SPATA21: variants seen among roughly 807,000 people sequenced by gnomAD.
The protein encoded by SPATA21 is spermatogenesis associated 21.
In SPATA21, 47 loss-of-function variants were observed where a neutral mutation model predicts 54.8. The observed-to-expected ratio is 0.86, with a 90% CI of 0.68 to 1.09. SPATA21 has a LOEUF of 1.09. SPATA21 is among the 50% of genes least tolerant of loss of function. The pLI is 0.00. For missense variants in SPATA21, 599 were observed against 596.4 expected, an observed-to-expected ratio of 1.00 and a Z score of -0.05; for synonymous variants, 245 against 235.3, an observed-to-expected ratio of 1.04 and a Z score of -0.38.
At chr1:16,416,033 G>A (rs1008569193) in intron 5 of SPATA21, among the ~76,000 whole-genome samples, 1 of 152,112 alleles carries the variant, frequency 6.6e-6, no homozygotes, top group Non-Finnish European at 1.5e-5. Context: ...GGCACCAGGT[G>A]TCCTGAACAG....
At chr1:16,408,155 G>C (rs886681116) in intron 7 of SPATA21, among the ~76,000 whole-genome samples, 1 of 152,190 alleles carries the variant, frequency 6.6e-6, no homozygotes, top group Non-Finnish European at 1.5e-5. Context: ...GACAGAGGAA[G>C]GGGCCGCTGT....
Position 16,428,130 on chromosome 1 carries a change from T to C in SPATA21, c.34+3208A>G. ...TCTGGCCTCAAGGACAGGGAGATCC[T>C]GTGCCTGATTGGGGAAGCTGTTGGA... On this transcript the variant is annotated intron_variant, in intron 3 of 12. Coordinates refer to ENST00000335496, the MANE Select transcript of SPATA21 (RefSeq NM_198546.1). The surrounding 1 kb of genome is among the most constrained non-coding windows in gnomAD (Gnocchi z 4.3). 7.5e-7 allele frequency: 1 copy of C among 1,330,976 alleles called. No individual in the cohort carries two copies. Among genetic ancestry groups the C allele is most frequent in the Middle Eastern group, 1.9e-4 (1 of 5,330 alleles). The allele number at this position is 1,330,976 out of a possible 1,614,324, so 82.4% of individuals were successfully genotyped here. A position where few individuals can be genotyped will look rare whatever the true frequency, so the allele number is the denominator to read the frequency against.
At chr1:16,427,082 A>T (rs1347175442) in intron 3 of SPATA21, among the ~76,000 whole-genome samples, 2 of 152,196 alleles carry the variant, frequency 1.3e-5, no homozygotes, top group Admixed American at 1.3e-4. Flanking sequence ...TGTGACAGTG[A>T]AAGTCTTTGT....
At chr1:16,400,429 G>T in intron 11 of SPATA21, 1 of 1,112,934 alleles carries the variant, frequency 9.0e-7, no homozygotes. Flanking sequence ...CAGTGAGCTG[G>T]GATTGCTAAT....
chr1:16,409,320 C>T lies in SPATA21; in HGVS notation c.588-117G>A. The T allele has an allele frequency of 9.1e-7, 1 of 1,104,288 alleles. No homozygotes were observed. Among genetic ancestry groups the T allele is most frequent in the South Asian group, 1.4e-5 (1 of 72,810 alleles). 68.4% of individuals were successfully genotyped at this position (1,104,288 alleles called of 1,614,324 possible). A position where few individuals can be genotyped will look rare whatever the true frequency, so the allele number is the denominator to read the frequency against. ...GTCGTGGGGGAGGCTTTGGGGAGCC[C>T]GGAGAGATCAAGAATGGCAGGAAAA... On this transcript the variant is annotated intron_variant, in intron 6 of 12. Coordinates refer to ENST00000335496, the MANE Select transcript of SPATA21 (RefSeq NM_198546.1). The surrounding 1 kb of genome is among the most constrained non-coding windows in gnomAD (Gnocchi z 4.1).
chr1:16,411,330 G>T (rs1278908944), intron 5 of SPATA21, among the ~76,000 whole-genome samples: 2 of 151,932 alleles, frequency 1.3e-5, no homozygotes, highest in Non-Finnish European at 2.9e-5. Flanking sequence ...GGGACTACAG[G>T]TGCTCACCAC....
Position 16,409,989 on chromosome 1 carries a change from G to C in SPATA21, c.199C>G (p.Gln67Glu), listed in dbSNP as rs149531258. ...REPDRAQQQPQKPAVAAGTQS... is the reference protein window; with the variant it reads ...REPDRAQQQPEKPAVAAGTQS... ...GTCCCTGCAGCCACCGCGGGCTTCT[G>C]AGGCTGCTGCTGCGCACGGTCTGGC... Residue 67 changes from glutamine (Q) to glutamate (E), a missense_variant, in exon 6 of 13, where the codon CAG becomes GAG. Transcript: ENST00000335496. The surrounding 1 kb of genome is among the most constrained non-coding windows in gnomAD (Gnocchi z 4.1). The C allele has an allele frequency of 1.1e-4, 175 of 1,601,730 alleles. No homozygotes were observed. Among genetic ancestry groups the C allele is most frequent in the Non-Finnish European group, 1.4e-4 (160 of 1,174,110 alleles).
At chr1:16,406,411 G>A (rs2100799897) in intron 7 of SPATA21, among the ~76,000 whole-genome samples, 1 of 152,290 alleles carries the variant, frequency 6.6e-6, no homozygotes, top group Non-Finnish European at 1.5e-5. Flanking sequence ...GGCCTTTAGG[G>A]TGGGCCCTAA....
chr1:16,433,282 G>A (rs1370365454), intron 1 of SPATA21, among the ~76,000 whole-genome samples: 1 of 152,190 alleles, frequency 6.6e-6, no homozygotes, highest in African/African-American at 2.4e-5. Flanking sequence ...AGTTACAGCT[G>A]CACCCCTGCC....
rs1396118710 is a variant in SPATA21 at position 16,437,133 on chromosome 1, A to G, written c.-192T>C. On this transcript the variant is annotated 5_prime_UTR_variant, in exon 1 of 13. Transcript: ENST00000335496. Reference sequence around the variant, plus strand: ...CACCTTGGCCCTGCACCTACCAGAAATCAGCTGGATGAGTCACAGTGAGAT... The same window carrying G: ...CACCTTGGCCCTGCACCTACCAGAAGTCAGCTGGATGAGTCACAGTGAGAT... The G allele has an allele frequency of 6.6e-6, 1 of 152,256 alleles. No homozygotes were observed. The highest frequency in any genetic ancestry group is 1.5e-5 in the Non-Finnish European group (1 of 68,108). 9.4% of individuals were successfully genotyped at this position (152,256 alleles called of 1,614,324 possible). A position where few individuals can be genotyped will look rare whatever the true frequency, so the allele number is the denominator to read the frequency against.
At chr1:16,430,003 A>T in intron 3 of SPATA21, among the ~76,000 whole-genome samples, 1 of 150,416 alleles carries the variant, frequency 6.6e-6, no homozygotes. Flanking sequence ...CATCTCTTCT[A>T]AAAATACAAA....
chr1:16,427,812 G>T (rs1291213786), intron 3 of SPATA21: 3 of 1,508,476 alleles, frequency 2.0e-6, no homozygotes, highest in Admixed American at 2.0e-5. Context: ...CCGCGGGTGG[G>T]CTACAGGGGG....
intron 3 of SPATA21, among the ~76,000 whole-genome samples, chr1:16,423,196 C>G (rs1038977235): frequency 6.8e-6 from 1 of 146,090 alleles, no homozygotes; most frequent in South Asian, 2.2e-4. Flanking sequence ...GTGGATCACA[C>G]GAGATTAGGA....
intron 1 of SPATA21, among the ~76,000 whole-genome samples, chr1:16,436,415 G>A (rs1008873295): frequency 6.6e-6 from 1 of 150,956 alleles, no homozygotes; most frequent in Non-Finnish European, 1.5e-5. Context: ...TACAGATAGG[G>A]TGCAGTGTAT....
intron 3 of SPATA21, among the ~76,000 whole-genome samples, chr1:16,429,815 C>A (rs1230487031): frequency 1.3e-5 from 2 of 151,004 alleles, no homozygotes; most frequent in East Asian, 4.0e-4. Flanking sequence ...CCTGAGGAAA[C>A]TGGATGGTGA....
intron 3 of SPATA21, chr1:16,424,812 T>G (rs1208195525): frequency 6.3e-6 from 1 of 159,168 alleles, no homozygotes; most frequent in Admixed American, 6.2e-5. Context: ...TTTGTTAAAC[T>G]CAGCATGTCC....
chr1:16,420,903 A>G (rs1047040464), intron 5 of SPATA21, among the ~76,000 whole-genome samples: 1 of 152,150 alleles, frequency 6.6e-6, no homozygotes, highest in Non-Finnish European at 1.5e-5. Context: ...TAATGCTTGA[A>G]AGTGAAACCC....
rs1480354776 is a variant in SPATA21, at chr1:16,426,903, T to C, written c.34+4435A>G. ...CCTAATGTACTTTTTTCAATTAACA[T>C]CATAGCCTGTGTTTTTCGCATGCTA... is the stretch of plus-strand genomic sequence containing the variant. On this transcript the variant is annotated intron_variant, in intron 3 of 12. Coordinates refer to ENST00000335496, the MANE Select transcript of SPATA21 (RefSeq NM_198546.1). Among the ~76,000 whole-genome samples the C allele has an allele frequency of 2.6e-5, 4 of 152,064 alleles. 1 individual carries two copies. The highest frequency in any genetic ancestry group is 2.6e-4 in the Admixed American group (4 of 15,252).
intron 3 of SPATA21, among the ~76,000 whole-genome samples, chr1:16,426,370 C>T (rs751975776): frequency 6.6e-5 from 10 of 151,394 alleles, no homozygotes; most frequent in Non-Finnish European, 1.0e-4. Context: ...GCAATCCTCC[C>T]GCCTTAGCCT....
Sources: allele counts gnomAD v4.1 joint callset (sites outside exome capture counted in the v4.1 genomes callset), GRCh38; gene constraint gnomAD v4.1.1; non-coding constraint Gnocchi (gnomAD v3.1); transcripts MANE v1.5; gene names NCBI Gene and HGNC (gene_info 2026-07-23, HGNC 2026-07-21).